Variants in KCNAB1 observed in about 807,000 individuals in gnomAD.
The protein encoded by KCNAB1 is voltage-gated potassium channel subunit beta-1.
Under a neutral mutation model 64.6 loss-of-function variants are expected in KCNAB1, and 35 were observed. That is an observed-to-expected ratio of 0.54 (90% CI 0.41 to 0.72). KCNAB1 has a LOEUF of 0.72. KCNAB1 is among the 30% of genes least tolerant of loss of function. KCNAB1 has a pLI of 0.00. For missense variants in KCNAB1, 401 were observed against 512.9 expected, an observed-to-expected ratio of 0.78 and a Z score of 2.11; for synonymous variants, 177 against 183.8, an observed-to-expected ratio of 0.96 and a Z score of 0.30.
At chr3:156,362,014 A>C (rs564002675) in intron 1 of KCNAB1, among the ~76,000 whole-genome samples, 1 of 152,230 alleles carries the variant, frequency 6.6e-6, no homozygotes, top group Non-Finnish European at 1.5e-5. Flanking sequence ...CCCTGTGCCA[A>C]ACGTTGTTCT....
intron 1 of KCNAB1, among the ~76,000 whole-genome samples, chr3:156,300,390 C>T (rs538817006): frequency 8.5e-5 from 13 of 152,298 alleles, no homozygotes; most frequent in East Asian, 1.9e-4. Context: ...ATTTCCAGAA[C>T]GATACCAGCA....
chr3:156,179,361 A>T (rs1015496423), intron 1 of KCNAB1, among the ~76,000 whole-genome samples: 2 of 152,048 alleles, frequency 1.3e-5, no homozygotes, highest in Admixed American at 6.6e-5. Flanking sequence ...GGGATATAAA[A>T]TTTTATAAAA....
At chr3:156,305,218 A>T (rs1463021936) in intron 1 of KCNAB1, among the ~76,000 whole-genome samples, 1 of 152,224 alleles carries the variant, frequency 6.6e-6, no homozygotes, top group Admixed American at 6.5e-5. Context: ...GAATGGGACA[A>T]ATAGACAAGA....
At chr3:156,476,031 A>G (rs1714313264) in intron 8 of KCNAB1, among the ~76,000 whole-genome samples, 1 of 152,200 alleles carries the variant, frequency 6.6e-6, no homozygotes, top group Non-Finnish European at 1.5e-5. Flanking sequence ...ATAAAACTGC[A>G]TATTTTTTGT....
chr3:156,124,223 T>G (rs1713515455), intron 1 of KCNAB1, among the ~76,000 whole-genome samples: 2 of 151,624 alleles, frequency 1.3e-5, no homozygotes, highest in Non-Finnish European at 2.9e-5. Flanking sequence ...TTCTTTTTTT[T>G]TTTTTCTTTT....
rs186893709 is a variant in KCNAB1, at chr3:156,179,560, C to A, written c.275+58674C>A. ...CCATTTTGGACTCCCTCAGAAGGCA[C>A]CTGTCATGGAGCTGAACTAGCTTCA... is the stretch of plus-strand genomic sequence containing the variant. On this transcript the variant is annotated intron_variant, in intron 1 of 13. Coordinates refer to ENST00000490337, the MANE Select transcript of KCNAB1 (RefSeq NM_172160.3). Among the ~76,000 whole-genome samples the A allele has an allele frequency of 3.1e-3, 470 of 151,954 alleles. 2 individuals are homozygous for A. The highest frequency in any genetic ancestry group is 0.011 in the African/African-American group (439 of 41,416).
At chr3:156,123,149 G>A (rs1713450035) in intron 1 of KCNAB1, among the ~76,000 whole-genome samples, 1 of 152,148 alleles carries the variant, frequency 6.6e-6, no homozygotes, top group African/African-American at 2.4e-5. Context: ...AAACTTGTAT[G>A]TAGAAGATAA....
At chr3:156,254,094 A>T (rs1717971768) in intron 1 of KCNAB1, among the ~76,000 whole-genome samples, 1 of 152,218 alleles carries the variant, frequency 6.6e-6, no homozygotes, top group African/African-American at 2.4e-5. Flanking sequence ...ACAACCAGAG[A>T]ACTTACGATT....
chr3:156,273,079 T>C (rs532774785), intron 1 of KCNAB1, among the ~76,000 whole-genome samples: 1 of 151,198 alleles, frequency 6.6e-6, no homozygotes, highest in African/African-American at 2.4e-5. Context: ...GCTGATACCC[T>C]AGTTTTAAAA....
rs552949947 is a variant in KCNAB1, at chr3:156,186,341, G to A, written c.275+65455G>A. Reference sequence around the variant, plus strand: ...AGCTTTTTAATCCACAAAATTGTCCGTATTAGTTGTTTCTGTCCTATTCCT... The same window carrying A: ...AGCTTTTTAATCCACAAAATTGTCCATATTAGTTGTTTCTGTCCTATTCCT... On this transcript the variant is annotated intron_variant, in intron 1 of 13. Transcript: ENST00000490337. 5.3e-5 allele frequency among the ~76,000 whole-genome samples: 8 copies of A among 152,122 alleles called. No individual in the cohort carries two copies. The East Asian group carries it at 7.7e-4, about 15-fold the overall frequency.
Position 156,538,223 on chromosome 3 carries a change from T to C in KCNAB1, c.*1476T>C, listed in dbSNP as rs533051124. 6.6e-6 allele frequency: 1 copy of C among 152,096 alleles called. No homozygotes were observed. Among genetic ancestry groups the C allele is most frequent in the Non-Finnish European group, 1.5e-5 (1 of 68,010 alleles). The allele number at this position is 152,096 out of a possible 1,614,324, so 9.4% of individuals were successfully genotyped here. ...TATCTGAGGATGTACAAAATTCTCA[T>C]TTAATTTTCTGGTCAGCAAGTTCCC... On this transcript the variant is annotated 3_prime_UTR_variant, in exon 14 of 14. Transcript: ENST00000490337.
chr3:156,191,512 C>A (rs1713560256), intron 1 of KCNAB1, among the ~76,000 whole-genome samples: 1 of 152,106 alleles, frequency 6.6e-6, no homozygotes, highest in Non-Finnish European at 1.5e-5. Flanking sequence ...CTATATGCAA[C>A]CCCCATGTTT....
At chr3:156,238,311 C>A (rs1414047271) in intron 1 of KCNAB1, among the ~76,000 whole-genome samples, 2 of 151,394 alleles carry the variant, frequency 1.3e-5, no homozygotes, top group Non-Finnish European at 2.9e-5. Context: ...AGTCCCAGCT[C>A]CTCGGGAGGC....
chr3:156,439,655 G>C (rs1279283688), intron 2 of KCNAB1, among the ~76,000 whole-genome samples: 1 of 152,172 alleles, frequency 6.6e-6, no homozygotes, highest in East Asian at 1.9e-4. Flanking sequence ...GCAGTCCTGA[G>C]GTTTGGGCCA....
intron 2 of KCNAB1, among the ~76,000 whole-genome samples, chr3:156,435,455 A>G (rs1306712634): frequency 6.6e-6 from 1 of 152,202 alleles, no homozygotes; most frequent in African/African-American, 2.4e-5. Context: ...TCCCCAGCAC[A>G]GCTCAGCACC....
At chr3:156,212,752 A>T (rs1715090215) in intron 1 of KCNAB1, among the ~76,000 whole-genome samples, 3 of 152,192 alleles carry the variant, frequency 2.0e-5, no homozygotes, top group African/African-American at 7.2e-5. Flanking sequence ...ACTGCAAGGA[A>T]GCACTTCTGG....
At chr3:156,377,783 C>T (rs780880117) in intron 1 of KCNAB1, among the ~76,000 whole-genome samples, 8 of 151,840 alleles carry the variant, frequency 5.3e-5, no homozygotes, top group African/African-American at 1.5e-4. Context: ...AAGTTCATTA[C>T]GAAAAGAAAG....
At position 156,252,248 on chromosome 3, in the gene KCNAB1, C is replaced by G. The variant is rs555670743; in HGVS notation, c.275+131362C>G. Among the ~76,000 whole-genome samples the G allele has an allele frequency of 3.9e-5, 6 of 152,368 alleles. No individual in the cohort carries two copies. In the South Asian group the frequency reaches 1.2e-3, roughly 32 times the overall value. ...GCACACATGTGAATCTGTTCCCTGG[C>G]ACACGCTTAATGTCATTCGTAGTAG... On this transcript the variant is annotated intron_variant, in intron 1 of 13. Transcript: ENST00000490337.
chr3:156,463,827 G>A (rs1457340705), intron 6 of KCNAB1, 81 bp downstream of exon 6: 17 of 1,083,988 alleles, frequency 1.6e-5, no homozygotes, highest in Non-Finnish European at 2.2e-5. Flanking sequence ...TACATATAAC[G>A]TACCAAAATT....
Sources: allele counts gnomAD v4.1 joint callset (sites outside exome capture counted in the v4.1 genomes callset), GRCh38; gene constraint gnomAD v4.1.1; transcripts MANE v1.5; gene names NCBI Gene and HGNC (gene_info 2026-07-23, HGNC 2026-07-21).